The following GUCY1A2 variants were observed in gnomAD, a reference collection of about 807,000 sequenced individuals.
GUCY1A2 encodes guanylate cyclase soluble subunit alpha-2.
Under a neutral mutation model 63.5 loss-of-function variants are expected in GUCY1A2, and 27 were observed. The observed-to-expected ratio is 0.43, with a 90% confidence interval of 0.31 to 0.59. GUCY1A2 has a LOEUF of 0.59. Among genes scored for constraint, GUCY1A2 ranks in the 20% least tolerant of loss-of-function variants. The probability of loss-of-function intolerance (pLI) is 0.11; values close to 1 mark genes in which losing one functional copy is unlikely to be tolerated. For synonymous variants in GUCY1A2, 364 were observed against 343.5 expected (o/e 1.06, Z -0.66); for missense variants, 768 against 913.3 (o/e 0.84, Z 2.05).
chr11:106,713,496 C>CTTTTTTTTTT (rs143909145), intron 6 of GUCY1A2, among the ~76,000 whole-genome samples: 3 of 78,394 alleles, frequency 3.8e-5, no homozygotes, highest in Non-Finnish European at 6.8e-5. Flanking sequence ...TAGTATGTTT[C>CTTTTTTTTTT]TTTTTTTTTT....
chr11:106,868,850 CA>C (rs753333722), intron 4 of GUCY1A2, among the ~76,000 whole-genome samples: 2 of 152,200 alleles, frequency 1.3e-5, no homozygotes, highest in Admixed American at 6.6e-5. Context: ...TATCTGACTT[CA>C]AACCATACTA....
chr11:107,015,871 G>C (rs76879140), intron 1 of GUCY1A2, among the ~76,000 whole-genome samples: 8,484 of 152,196 alleles, frequency 0.056, 716 homozygotes, highest in African/African-American at 0.19. Context: ...CTATTCTGAG[G>C]ATTGTTTTCT....
chr11:106,909,071 T>C (rs1860254562), intron 4 of GUCY1A2, among the ~76,000 whole-genome samples: 1 of 152,062 alleles, frequency 6.6e-6, no homozygotes, highest in South Asian at 2.1e-4. Flanking sequence ...GATAATTTCC[T>C]AATTACAATT....
rs1206826127 is a variant in GUCY1A2 at position 106,681,472 on chromosome 11, A to G, written c.*6077T>C. The G allele has an allele frequency of 4.5e-6, 1 of 221,270 alleles. No homozygotes were observed. Among genetic ancestry groups the G allele is most frequent in the Non-Finnish European group, 9.1e-6 (1 of 110,426 alleles). 13.7% of individuals were successfully genotyped at this position (221,270 alleles called of 1,614,324 possible). A position where few individuals can be genotyped will look rare whatever the true frequency, so the allele number is the denominator to read the frequency against. ...GATCCAAAAATTGGGCAACATTATA[A>G]ATAATACACAAATCTCTTTGACAGG... On this transcript the variant is annotated 3_prime_UTR_variant, in exon 8 of 8. Coordinates refer to ENST00000526355, the MANE Select transcript of GUCY1A2 (RefSeq NM_000855.3).
chr11:106,989,550 C>G (rs926051733), intron 1 of GUCY1A2, among the ~76,000 whole-genome samples: 11 of 152,046 alleles, frequency 7.2e-5, no homozygotes, highest in African/African-American at 2.7e-4. Context: ...AGCTGAAAAA[C>G]ATGGTTCCTA....
intron 4 of GUCY1A2, among the ~76,000 whole-genome samples, chr11:106,864,363 A>G (rs530167044): frequency 5.3e-5 from 8 of 152,168 alleles, no homozygotes; most frequent in African/African-American, 1.9e-4. Flanking sequence ...GTCATCTGCA[A>G]ACAGAGACAA....
intron 1 of GUCY1A2, among the ~76,000 whole-genome samples, chr11:107,014,983 C>T (rs1490221782): frequency 6.6e-6 from 1 of 152,162 alleles, no homozygotes; most frequent in Non-Finnish European, 1.5e-5. Context: ...AAAGAAGTTT[C>T]AAATCCTGAC....
intron 4 of GUCY1A2, among the ~76,000 whole-genome samples, chr11:106,865,584 A>C (rs926683300): frequency 6.6e-6 from 1 of 151,914 alleles, no homozygotes; most frequent in African/African-American, 2.4e-5. Context: ...CTCACTCATA[A>C]GTGGGAGTTG....
At chr11:106,768,422 T>C (rs1864200246) in intron 6 of GUCY1A2, among the ~76,000 whole-genome samples, 1 of 152,182 alleles carries the variant, frequency 6.6e-6, no homozygotes, top group African/African-American at 2.4e-5. Context: ...TATTGAAGAC[T>C]AAAGCCATGA....
At chr11:106,990,399 C>T (rs898082758) in intron 1 of GUCY1A2, among the ~76,000 whole-genome samples, 12 of 152,216 alleles carry the variant, frequency 7.9e-5, no homozygotes, top group Admixed American at 4.6e-4. Context: ...CAGCCAACCA[C>T]GAAATAGTCC....
At chr11:106,846,737 T>C (rs1307800025) in intron 4 of GUCY1A2, among the ~76,000 whole-genome samples, 1 of 151,666 alleles carries the variant, frequency 6.6e-6, no homozygotes, top group African/African-American at 2.4e-5. Context: ...TCTAACCATT[T>C]CATATTTTCC....
chr11:106,910,082 C>T (rs1444683287), intron 4 of GUCY1A2, among the ~76,000 whole-genome samples: 5 of 151,854 alleles, frequency 3.3e-5, no homozygotes, highest in East Asian at 3.9e-4. Flanking sequence ...AAAAGTTATT[C>T]GCTAAAAACA....
intron 4 of GUCY1A2, chr11:106,936,734 C>A: frequency 6.9e-7 from 1 of 1,439,212 alleles, no homozygotes. Context: ...TTTTTTATGG[C>A]AGACGTAGTG....
intron 5 of GUCY1A2, among the ~76,000 whole-genome samples, chr11:106,794,939 T>C (rs1204303772): frequency 6.6e-6 from 1 of 152,190 alleles, no homozygotes; most frequent in East Asian, 1.9e-4. Flanking sequence ...TTCTTTCATA[T>C]GAATAACTCC....
At chr11:106,701,951 A>G (rs1346484088) in intron 7 of GUCY1A2, among the ~76,000 whole-genome samples, 1 of 152,130 alleles carries the variant, frequency 6.6e-6, no homozygotes, top group African/African-American at 2.4e-5. Flanking sequence ...GTTTTTTTCC[A>G]TGTTATTTCA....
intron 5 of GUCY1A2, among the ~76,000 whole-genome samples, chr11:106,793,456 A>G (rs1000235742): frequency 1.3e-5 from 2 of 152,142 alleles, no homozygotes; most frequent in Non-Finnish European, 2.9e-5. Flanking sequence ...AGTTTTTTGG[A>G]TACAACAACA....
chr11:106,846,721 T>C (rs1024417436), intron 4 of GUCY1A2, among the ~76,000 whole-genome samples: 1 of 151,634 alleles, frequency 6.6e-6, no homozygotes, highest in Non-Finnish European at 1.5e-5. Flanking sequence ...TTATATCTAC[T>C]TAGCATCTAA....
chr11:106,789,148 T>C (rs905012274), intron 5 of GUCY1A2, among the ~76,000 whole-genome samples: 11 of 152,218 alleles, frequency 7.2e-5, no homozygotes. Flanking sequence ...GTAGAGATCT[T>C]TCACTTATTT....
chr11:106,978,676 T>C lies in GUCY1A2; in HGVS notation c.430A>G (p.Asn144Asp). The change falls in exon 3 of 8, where the codon AAC (asparagine) becomes GAC (aspartate). Residue 144 changes from asparagine (N) to aspartate (D), a missense_variant. By Grantham distance (23) the Asn-to-Asp change is conservative (BLOSUM62 1). Coordinates refer to ENST00000526355, the MANE Select transcript of GUCY1A2 (RefSeq NM_000855.3). Reference sequence around the variant, plus strand: ...GAGACATCTTCAATTTCTTCTTTGTTGGAGTGGTCTGCATAGGAGCATCTG... The same window carrying C: ...GAGACATCTTCAATTTCTTCTTTGTCGGAGTGGTCTGCATAGGAGCATCTG... The part of the protein sequence containing the change: ...SNRCSYADHS[N>D]KEEIEDVSGI... The C allele has an allele frequency of 6.4e-7, 1 of 1,570,892 alleles. No individual in the cohort carries two copies. Among genetic ancestry groups the C allele is most frequent in the South Asian group, 1.1e-5 (1 of 90,148 alleles).
Sources: gnomAD v4.1 joint callset for allele counts (sites outside exome capture counted in the v4.1 genomes callset) on GRCh38, gnomAD v4.1.1 for gene constraint, MANE v1.5 for transcripts, NCBI Gene and HGNC (gene_info 2026-07-23, HGNC 2026-07-21) for gene names.